Variants in CTTN observed in about 807,000 individuals in gnomAD.
CTTN encodes the protein src substrate cortactin.
In CTTN, 28 loss-of-function variants were observed where a neutral mutation model predicts 84.0. The ratio of observed to expected loss-of-function variants is 0.33; its 90% confidence interval spans 0.25 to 0.46. The LOEUF (loss-of-function observed/expected upper bound fraction) is 0.46. Among genes scored for constraint, CTTN ranks in the 20% least tolerant of loss-of-function variants. CTTN has a pLI of 1.00. For missense variants in CTTN, 641 were observed against 723.8 expected (o/e 0.89, Z 1.31); for synonymous variants, 301 against 288.8 (o/e 1.04, Z -0.43).
At chr11:70,416,815 G>GA (rs1172491572) in intron 7 of CTTN, 198 bp from the exon 8 acceptor site, 2 of 563,932 alleles carry the variant, frequency 3.5e-6, no homozygotes, top group African/African-American at 3.8e-5. Flanking sequence ...ACAGGGCCCA[G>GA]AACCCCCCCA....
chr11:70,430,901 G>C (rs1037043387), intron 14 of CTTN, among the ~76,000 whole-genome samples: 2 of 152,070 alleles, frequency 1.3e-5, no homozygotes, highest in Non-Finnish European at 2.9e-5. Flanking sequence ...ATCCTGCCTA[G>C]GTGCTGGTGG....
intron 8 of CTTN, 93 bp from the exon 9 acceptor site, chr11:70,419,653 A>G (rs2058205263): frequency 3.0e-6 from 3 of 992,680 alleles, no homozygotes; most frequent in Non-Finnish European, 4.6e-6. Context: ...TGGACCTGAA[A>G]GATTTTTGTT....
chr11:70,428,951 A>T (rs2058326271), intron 13 of CTTN, 100 bp from the exon 14 acceptor site: 2 of 1,421,902 alleles, frequency 1.4e-6, no homozygotes, highest in Non-Finnish European at 2.0e-6. Context: ...TAGGGGGATG[A>T]CCGGTTCCTG....
intron 5 of CTTN, among the ~76,000 whole-genome samples, chr11:70,410,820 C>G (rs762190182): frequency 6.6e-6 from 1 of 152,114 alleles, no homozygotes; most frequent in African/African-American, 2.4e-5. Context: ...GGATTCCAGC[C>G]GGTAATTCCA....
chr11:70,416,014 C>G, intron 7 of CTTN: 1 of 382,586 alleles, frequency 2.6e-6, no homozygotes, highest in Non-Finnish European at 4.8e-6. Context: ...GCCGCCTTCC[C>G]TTCATCTGGG....
intron 11 of CTTN, 126 bp downstream of exon 11, chr11:70,421,706 C>T: frequency 1.4e-6 from 1 of 707,160 alleles, no homozygotes. Context: ...TGTCAGCTGT[C>T]AGGCTGTTCG....
At chr11:70,434,303 G>A (rs2058390005) in intron 17 of CTTN, among the ~76,000 whole-genome samples, 1 of 152,232 alleles carries the variant, frequency 6.6e-6, no homozygotes, top group African/African-American at 2.4e-5. Context: ...GGGCCGCATA[G>A]CATCCACTTG....
chr11:70,424,372 T>C (rs2058277559), intron 12 of CTTN, among the ~76,000 whole-genome samples: 1 of 152,074 alleles, frequency 6.6e-6, no homozygotes, highest in East Asian at 1.9e-4. Flanking sequence ...GAGGAGGCAG[T>C]GTGTGGGTGT....
chr11:70,402,535 G>C (rs2057998907), intron 1 of CTTN, among the ~76,000 whole-genome samples: 1 of 152,124 alleles, frequency 6.6e-6, no homozygotes, highest in Admixed American at 6.5e-5. Flanking sequence ...TGTATCTTTT[G>C]TCTCTGTAGA....
At chr11:70,427,018 G>C (rs1201046946) in intron 13 of CTTN, among the ~76,000 whole-genome samples, 1 of 152,004 alleles carries the variant, frequency 6.6e-6, no homozygotes, top group Non-Finnish European at 1.5e-5. Context: ...TTACAGGCAT[G>C]AGCGACATTG....
chr11:70,421,924 C>T (rs893988889), intron 11 of CTTN: 13 of 271,986 alleles, frequency 4.8e-5, no homozygotes, highest in African/African-American at 2.8e-4. Context: ...TTATTGGTGA[C>T]TGCCGTGAGC....
At chr11:70,434,968 T>A in intron 17 of CTTN, 58 bp from the exon 18 acceptor site, 1 of 1,592,812 alleles carries the variant, frequency 6.3e-7, no homozygotes, top group Non-Finnish European at 8.6e-7. Context: ...GTGCTTTTTT[T>A]CTGGCAGACC....
chr11:70,424,252 G>A (rs993254352), intron 12 of CTTN, among the ~76,000 whole-genome samples: 21 of 152,134 alleles, frequency 1.4e-4, no homozygotes, highest in Admixed American at 1.3e-4. Context: ...CCCTGTGGGT[G>A]AGTCAGAGGT....
In CTTN at chr11:70,422,959, C is replaced by A. The variant is rs376839647; in HGVS notation, c.921C>A (p.Gly307=). The A allele has an allele frequency of 6.2e-7, 1 of 1,613,974 alleles. No homozygotes were observed. The highest frequency in any genetic ancestry group is 1.1e-5 in the South Asian group (1 of 91,058). The change falls in exon 12 of 18, where the codon GGC becomes GGA. Residue 307 remains glycine, a synonymous_variant. Coordinates refer to ENST00000301843, the MANE Select transcript of CTTN (RefSeq NM_005231.4). ...TTTCAGACTACTCCAAAGGATTCGG[C>A]GGGAAGTATGGGGTGCAGAAGGATC... The part of the protein sequence containing the change: ...ESQQDYSKGF[G]GKYGVQKDRM...
rs1402199695 is a variant in CTTN, at chr11:70,429,290, C to G, written c.1176+91C>G. ...CTGGGGCCTGGGCGGGGCTTATTCT[C>G]TCCTGGCCAGGTTTTCCTTGGAAGG... On this transcript the variant is annotated intron_variant, in intron 14 of 17. Transcript: ENST00000301843. The G allele has an allele frequency of 2.8e-6, 4 of 1,437,322 alleles. No individual in the cohort carries two copies. The East Asian group carries it at 9.9e-5, about 36-fold the overall frequency. The allele number at this position is 1,437,322 out of a possible 1,614,324, so 89.0% of individuals were successfully genotyped here.
At chr11:70,421,230 A>G (rs1426333266) in intron 10 of CTTN, among the ~76,000 whole-genome samples, 3 of 145,774 alleles carry the variant, frequency 2.1e-5, no homozygotes, top group African/African-American at 7.3e-5. Context: ...TTTGAAGTAC[A>G]GTTCTTAGGC....
chr11:70,430,073 C>T (rs1436641240), intron 14 of CTTN, among the ~76,000 whole-genome samples: 1 of 152,192 alleles, frequency 6.6e-6, no homozygotes, highest in African/African-American at 2.4e-5. Context: ...CAAGCAAGGC[C>T]ATAGATGCCA....
chr11:70,411,252 G>A (rs1293893542), intron 5 of CTTN, among the ~76,000 whole-genome samples: 1 of 137,138 alleles, frequency 7.3e-6, no homozygotes, highest in Non-Finnish European at 1.6e-5. Context: ...ACGGACAGAC[G>A]GAATCCATGT....
chr11:70,426,760 TTTG>T lies in CTTN; in HGVS notation c.1027+1369_1027+1371del, dbSNP rs373033822. Among the ~76,000 whole-genome samples the T allele has an allele frequency of 4.5e-4, 69 of 151,778 alleles. No homozygotes were observed. The East Asian group carries it at 0.011, about 24-fold the overall frequency. ...CCTGCCACCACGCCCGGCTAATTTT[TTTG>T]TTGTTGTTGCTATTTTTTAGTAGAG... is the stretch of plus-strand genomic sequence containing the variant. On this transcript the variant is annotated intron_variant, in intron 13 of 17. Coordinates refer to ENST00000301843, the MANE Select transcript of CTTN (RefSeq NM_005231.4).
Sources: allele counts gnomAD v4.1 joint callset (sites outside exome capture counted in the v4.1 genomes callset), GRCh38; gene constraint gnomAD v4.1.1; transcripts MANE v1.5; gene names NCBI Gene and HGNC (gene_info 2026-07-23, HGNC 2026-07-21).